The following GSE1 variants were observed in gnomAD, a reference collection of about 807,000 sequenced individuals.
The protein encoded by GSE1 is Gse1 coiled-coil protein, also known as genetic suppressor element 1.
Under a neutral mutation model 112.6 loss-of-function variants are expected in GSE1, and 32 were observed. That is an observed-to-expected ratio of 0.28 (90% CI 0.21 to 0.38). The LOEUF (loss-of-function observed/expected upper bound fraction) is 0.38, where lower values mean the gene tolerates loss of function less well. GSE1 is among the 10% of genes least tolerant of loss of function. GSE1 has a pLI of 1.00. For synonymous variants in GSE1, 1,115 were observed against 735.6 expected (o/e 1.52, Z -8.35); for missense variants, 2,348 against 1,699.2 (o/e 1.38, Z -6.71).
rs199920694 is a variant in GSE1, at chr16:85,661,801, G to A, written c.2260+36G>A. On this transcript the variant is annotated intron_variant, in intron 9 of 15. Transcript: ENST00000253458. ...CCGCGGGCCCCGAGCTGCTCAGGGA[G>A]AGCCGCACAGTGGGGATGGGGAGCC... 8.2e-4 allele frequency: 1,193 copies of A among 1,458,512 alleles called. 1 individual carries two copies. The highest frequency in any genetic ancestry group is 1.0e-3 in the Non-Finnish European group (1,127 of 1,101,820). 90.3% of individuals were successfully genotyped at this position (1,458,512 alleles called of 1,614,324 possible).
chr16:85,176,134 G>A (rs969441101), intron 1 of GSE1, among the ~76,000 whole-genome samples: 1 of 152,150 alleles, frequency 6.6e-6, no homozygotes, highest in African/African-American at 2.4e-5. Flanking sequence ...GACCATAGGT[G>A]TGCGCCACCA....
chr16:85,385,232 G>A (rs981495093), intron 2 of GSE1, among the ~76,000 whole-genome samples: 2 of 152,336 alleles, frequency 1.3e-5, no homozygotes, highest in South Asian at 2.1e-4. Flanking sequence ...CTGCTTGTCC[G>A]GGGCAGGAGG....
At chr16:85,613,235 C>A (rs964445032), upstream of GSE1, 1 of 1,512,072 alleles carries the variant, frequency 6.6e-7, no homozygotes, top group Non-Finnish European at 8.8e-7. Flanking sequence ...GCGACAGCAG[C>A]AGGTGTTTCT....
At chr16:85,344,779 A>C (rs917087957) in intron 1 of GSE1, among the ~76,000 whole-genome samples, 1 of 152,244 alleles carries the variant, frequency 6.6e-6, no homozygotes, top group Non-Finnish European at 1.5e-5. Flanking sequence ...CTATGCCCTC[A>C]GCCCCAGCAG....
intron 2 of GSE1, among the ~76,000 whole-genome samples, chr16:85,400,669 G>T (rs570299552): frequency 6.6e-6 from 1 of 151,296 alleles, no homozygotes; most frequent in East Asian, 1.9e-4. Flanking sequence ...TGTATGTTGC[G>T]TGTGTCTCTG....
At chr16:85,527,192 G>A (rs1436298035) in intron 2 of GSE1, among the ~76,000 whole-genome samples, 1 of 152,242 alleles carries the variant, frequency 6.6e-6, no homozygotes, top group Non-Finnish European at 1.5e-5. Flanking sequence ...CCCTCGTGAG[G>A]AACCGCTGCC....
intron 2 of GSE1, among the ~76,000 whole-genome samples, chr16:85,469,795 A>C (rs1597851828): frequency 6.6e-6 from 1 of 152,308 alleles, no homozygotes; most frequent in East Asian, 1.9e-4. Context: ...GCCTTGCAAA[A>C]ATCCAGCCTT....
At chr16:85,633,171 C>T (rs553594907) in intron 1 of GSE1, among the ~76,000 whole-genome samples, 1 of 152,358 alleles carries the variant, frequency 6.6e-6, no homozygotes, top group East Asian at 1.9e-4. Flanking sequence ...CGGGCAGACT[C>T]TGTGCCCAGT....
chr16:85,311,107 G>A lies in GSE1; in HGVS notation c.2284-46356G>A, dbSNP rs1225431344. Among the ~76,000 whole-genome samples the A allele has an allele frequency of 6.6e-6, 1 of 152,214 alleles. No individual in the cohort carries two copies. The highest frequency in any genetic ancestry group is 1.5e-5 in the Non-Finnish European group (1 of 68,022). ...AGCAGGCAGGGCATCTGACAGCCGT[G>A]GAGGACGGCAGAGGGGAGGGCAGCC... On this transcript the variant is annotated intron_variant, in intron 1 of 2. Transcript: ENST00000637419. The surrounding 1 kb of genome is among the most constrained non-coding windows in gnomAD (Gnocchi z 4.2).
In GSE1 at chr16:85,661,736, A is replaced by C. The variant is rs2052450555; in HGVS notation, c.2231A>C (p.Glu744Ala). The change falls in exon 9 of 16, where the codon GAG (glutamate) becomes GCG (alanine). Residue 744 changes from glutamate (E) to alanine (A), a missense_variant. Glu to Ala is a moderately radical substitution (Grantham distance 107, BLOSUM62 -1). Coordinates refer to ENST00000253458, the MANE Select transcript of GSE1 (RefSeq NM_014615.5). Reference protein sequence around the residue: ...RRLVSKLDLEERRRREAQEKG... With the variant: ...RRLVSKLDLEARRRREAQEKG... ...CTGGTCAGCAAGCTGGACCTGGAGG[A>C]GCGCAGGCGGCGGGAGGCCCAGGAG... The C allele has an allele frequency of 6.4e-7, 1 of 1,565,622 alleles. No homozygotes were observed. The highest frequency in any genetic ancestry group is 1.9e-5 in the Admixed American group (1 of 54,002).
chr16:85,202,519 G>A (rs1159975125), intron 1 of GSE1, among the ~76,000 whole-genome samples: 1 of 152,178 alleles, frequency 6.6e-6, no homozygotes. Flanking sequence ...GATGGGGAGG[G>A]GGCCGGCTCT....
chr16:85,560,128 CTTTTTTTTT>C (rs377241566), intron 1 of GSE1, among the ~76,000 whole-genome samples: 1 of 99,162 alleles, frequency 1.0e-5, no homozygotes. Context: ...TCTTCTTCTT[CTTTTTTTTT>C]TTTTTTTTTT....
chr16:85,605,637 C>G (rs1233098331), intron 1 of GSE1, among the ~76,000 whole-genome samples: 2 of 151,802 alleles, frequency 1.3e-5, no homozygotes, highest in Non-Finnish European at 2.9e-5. Flanking sequence ...GCTTGACTGC[C>G]ATGTCCATCC....
chr16:85,268,320 C>G (rs953822424), intron 1 of GSE1, among the ~76,000 whole-genome samples: 2 of 152,138 alleles, frequency 1.3e-5, no homozygotes, highest in African/African-American at 2.4e-5. Context: ...AGTCCTCCTC[C>G]TGATAATGAT....
At chr16:85,507,986 C>T (rs1397279347) in intron 2 of GSE1, among the ~76,000 whole-genome samples, 1 of 152,182 alleles carries the variant, frequency 6.6e-6, no homozygotes, top group Non-Finnish European at 1.5e-5. Context: ...CAGAAGCCCC[C>T]TGTGGCCCCC....
At chr16:85,492,840 G>A (rs181764352) in intron 2 of GSE1, among the ~76,000 whole-genome samples, 1 of 152,306 alleles carries the variant, frequency 6.6e-6, no homozygotes, top group East Asian at 1.9e-4. Flanking sequence ...GTTCATCCTA[G>A]GAGTATTTGC....
rs577726927 is a variant in GSE1, at chr16:85,635,910, G to C, written c.226+1778G>C. ...GACTCGCCTTCCCTCCCTGGGCCCA[G>C]CAGCGGCCGTGGGCGTCACAGCAGG... is the stretch of plus-strand genomic sequence containing the variant. On this transcript the variant is annotated intron_variant, in intron 2 of 15. Transcript: ENST00000253458. 9.7e-4 allele frequency among the ~76,000 whole-genome samples: 147 copies of C among 152,076 alleles called. No individual in the cohort carries two copies. In the Middle Eastern group the frequency reaches 0.01, roughly 11 times the overall value.
At chr16:85,209,169 C>T (rs2075178659) in intron 1 of GSE1, among the ~76,000 whole-genome samples, 1 of 152,196 alleles carries the variant, frequency 6.6e-6, no homozygotes, top group South Asian at 2.1e-4. Context: ...TCTCTGCTCA[C>T]TGTGGCCCTG....
At position 85,661,555 on chromosome 16, in the gene GSE1, A is replaced by T. The variant is rs1375602203; in HGVS notation, c.2050A>T (p.Thr684Ser). The stretch of plus-strand genomic sequence containing the variant: ...GGCTGAGCTCGAGAAGTCCACCCAG[A>T]CCATCCTGGGCCAGCAGCGGGCCTC... ...FLAELEKSTQ[T>S]ILGQQRASLP... The change falls in exon 9 of 16, where the codon ACC becomes TCC. Residue 684 changes from threonine to serine, a missense_variant. Transcript: ENST00000253458. The T allele has an allele frequency of 1.9e-6, 3 of 1,611,514 alleles. No homozygotes were observed. Among genetic ancestry groups the T allele is most frequent in the Non-Finnish European group, 2.5e-6 (3 of 1,179,594 alleles).
Sources: gnomAD v4.1 joint callset for allele counts (sites outside exome capture counted in the v4.1 genomes callset) on GRCh38, gnomAD v4.1.1 for gene constraint, Gnocchi (gnomAD v3.1) non-coding constraint, MANE v1.5 for transcripts, NCBI Gene and HGNC (gene_info 2026-07-23, HGNC 2026-07-21) for gene names.